Variants in SYN3 observed in about 807,000 individuals in gnomAD.
SYN3 encodes the protein synapsin-3.
SYN3 carries 35 observed loss-of-function variants against 65.8 expected under a neutral mutation model. That is an observed-to-expected ratio of 0.53 (90% CI 0.41 to 0.70). The LOEUF (loss-of-function observed/expected upper bound fraction) is 0.70. Ranked by LOEUF, SYN3 falls within the 30% of genes least tolerant of loss-of-function variation. The pLI, the probability that SYN3 is intolerant of heterozygous loss-of-function variation, is 0.00. For synonymous variants in SYN3, 270 were observed against 292.9 expected, an observed-to-expected ratio of 0.92 and a Z score of 0.80; for missense variants, 680 against 749.0, an observed-to-expected ratio of 0.91 and a Z score of 1.08.
intron 6 of SYN3, among the ~76,000 whole-genome samples, chr22:32,612,631 CA>C (rs2146694729): frequency 6.6e-6 from 1 of 152,082 alleles, no homozygotes. Flanking sequence ...CGCTTAAGGC[CA>C]AAAGTTAAAG....
At chr22:32,645,000 G>A (rs1047647846) in intron 6 of SYN3, among the ~76,000 whole-genome samples, 3 of 152,174 alleles carry the variant, frequency 2.0e-5, no homozygotes, top group Non-Finnish European at 1.5e-5. Flanking sequence ...GGAAAGGGTG[G>A]TGAGAGGTGG....
At chr22:32,666,509 G>A (rs2060291984) in intron 6 of SYN3, among the ~76,000 whole-genome samples, 1 of 152,012 alleles carries the variant, frequency 6.6e-6, no homozygotes, top group Non-Finnish European at 1.5e-5. Flanking sequence ...CTTCGTCCTT[G>A]CTGGCCCTCT....
chr22:32,620,753 T>C (rs1374136570), intron 6 of SYN3, among the ~76,000 whole-genome samples: 2 of 151,910 alleles, frequency 1.3e-5, no homozygotes, highest in East Asian at 3.9e-4. Flanking sequence ...GGAATCTCAC[T>C]CTGTTGCCCA....
At chr22:32,688,021 AG>A (rs2060614516) in intron 6 of SYN3, among the ~76,000 whole-genome samples, 1 of 152,188 alleles carries the variant, frequency 6.6e-6, no homozygotes, top group South Asian at 2.1e-4. Context: ...TTGAGACTCC[AG>A]GGGACCTCCA....
chr22:32,915,776 G>T (rs971396744), intron 4 of SYN3, among the ~76,000 whole-genome samples: 15 of 152,202 alleles, frequency 9.9e-5, no homozygotes, highest in African/African-American at 3.1e-4. Context: ...TTCTAACAGG[G>T]ATGGGAAGCC....
intron 6 of SYN3, among the ~76,000 whole-genome samples, chr22:32,628,844 T>A (rs935660957): frequency 1.3e-5 from 2 of 152,128 alleles, no homozygotes; most frequent in Admixed American, 6.5e-5. Context: ...TCATGCTTCC[T>A]GTGGTGTGCT....
At chr22:32,600,107 T>C (rs1303756294) in intron 6 of SYN3, among the ~76,000 whole-genome samples, 1 of 152,150 alleles carries the variant, frequency 6.6e-6, no homozygotes, top group African/African-American at 2.4e-5. Context: ...TATTACCTTG[T>C]AATACATGAT....
chr22:32,933,686 C>T (rs932483638), intron 3 of SYN3, among the ~76,000 whole-genome samples: 1 of 152,172 alleles, frequency 6.6e-6, no homozygotes, highest in African/African-American at 2.4e-5. Flanking sequence ...GATCCGCCCG[C>T]CTCGGACTCC....
intron 6 of SYN3, among the ~76,000 whole-genome samples, chr22:32,690,852 G>A (rs2060652413): frequency 6.6e-6 from 1 of 152,148 alleles, no homozygotes; most frequent in African/African-American, 2.4e-5. Flanking sequence ...GGAAGCGAGG[G>A]CTCATGAGCC....
intron 4 of SYN3, among the ~76,000 whole-genome samples, chr22:32,927,369 A>T (rs1358182336): frequency 1.3e-5 from 2 of 150,950 alleles, no homozygotes; most frequent in Non-Finnish European, 2.9e-5. Context: ...GGCTCAATCA[A>T]TTCTACCAAT....
intron 4 of SYN3, 177 bp downstream of exon 4, chr22:32,931,213 G>A (rs1385104623): frequency 1.8e-5 from 10 of 559,674 alleles, no homozygotes; most frequent in Admixed American, 2.8e-5. Flanking sequence ...GGTGCTGCAC[G>A]TATGATATGT....
At chr22:32,642,726 C>A (rs1266218780) in intron 6 of SYN3, among the ~76,000 whole-genome samples, 2 of 152,046 alleles carry the variant, frequency 1.3e-5, no homozygotes, top group African/African-American at 2.4e-5. Flanking sequence ...CCGTACCCGG[C>A]CTTATTTTTA....
intron 6 of SYN3, among the ~76,000 whole-genome samples, chr22:32,654,150 G>A (rs717168): frequency 0.3 from 46,120 of 152,040 alleles, 9,957 homozygotes; most frequent in East Asian, 0.73. Context: ...AAGGTAAGTC[G>A]GCCCAGAGCA....
At chr22:32,750,562 GGGATGGGGCCACT>G (rs1273617715) in intron 6 of SYN3, among the ~76,000 whole-genome samples, 1 of 152,130 alleles carries the variant, frequency 6.6e-6, no homozygotes, top group Non-Finnish European at 1.5e-5. Flanking sequence ...GACTCTTTGT[GGGATGGGGCCACT>G]GGATGGGGTG....
At chr22:32,729,501 C>T (rs2061242059) in intron 6 of SYN3, among the ~76,000 whole-genome samples, 1 of 152,220 alleles carries the variant, frequency 6.6e-6, no homozygotes, top group Non-Finnish European at 1.5e-5. Flanking sequence ...CTGGGAACTA[C>T]AGTGATGGGG....
chr22:32,518,308 G>C lies in SYN3; in HGVS notation c.1345C>G (p.Gln449Glu), dbSNP rs753475787. 1 of 1,609,542 alleles carries C rather than the reference G, an allele frequency of 6.2e-7. No individual in the cohort carries two copies. The highest frequency in any genetic ancestry group is 1.1e-5 in the South Asian group (1 of 90,502). The change falls in exon 13 of 14, where the codon CAG becomes GAG. Residue 449 changes from glutamine to glutamate, a missense_variant. Coordinates refer to ENST00000358763, the MANE Select transcript of SYN3 (RefSeq NM_003490.4). ...GAGGGGCTTCCAGATCTCTGGGGCT[G>C]AGGAGACTGAGCTTGGCGAGGGCCT... Reference protein sequence around the residue: ...QGGPRQAQSPQPQRSGSPSQQ... With the variant: ...QGGPRQAQSPEPQRSGSPSQQ...
chr22:32,549,408 C>A (rs1428549093), intron 7 of SYN3, among the ~76,000 whole-genome samples: 2 of 152,068 alleles, frequency 1.3e-5, no homozygotes, highest in Non-Finnish European at 2.9e-5. Flanking sequence ...CATGTGCCAC[C>A]ACATCTGGCT....
At chr22:33,044,360 C>G (rs2054020828) in intron 1 of SYN3, among the ~76,000 whole-genome samples, 1 of 152,188 alleles carries the variant, frequency 6.6e-6, no homozygotes, top group Non-Finnish European at 1.5e-5. Context: ...GTCCACGTGG[C>G]TCTTGGACTG....
chr22:32,637,900 A>C (rs946552517), intron 6 of SYN3, among the ~76,000 whole-genome samples: 1 of 151,974 alleles, frequency 6.6e-6, no homozygotes, highest in Non-Finnish European at 1.5e-5. Flanking sequence ...TGGCCTCCCA[A>C]AGTGCTAGGA....
Sources: gnomAD v4.1 joint callset for allele counts (sites outside exome capture counted in the v4.1 genomes callset) on GRCh38, gnomAD v4.1.1 for gene constraint, MANE v1.5 for transcripts, NCBI Gene and HGNC (gene_info 2026-07-23, HGNC 2026-07-21) for gene names.